TMLHE: variants seen among roughly 807,000 people sequenced by gnomAD.
The protein encoded by TMLHE is trimethyllysine hydroxylase, epsilon.
TMLHE carries 18 observed loss-of-function variants against 25.7 expected under a neutral mutation model. That is an observed-to-expected ratio of 0.70 (90% confidence interval 0.48 to 1.04). The LOEUF (loss-of-function observed/expected upper bound fraction) is 1.04, where lower values mean the gene tolerates loss of function less well. Among genes scored for constraint, TMLHE ranks in the 50% least tolerant of loss-of-function variants. The pLI is 0.00. For missense variants in TMLHE, 236 were observed against 259.0 expected (o/e 0.91, Z 0.61); for synonymous variants, 105 against 97.0 (o/e 1.08, Z -0.49).
chrX:155,512,289 G>C (rs1442331656), intron 4 of TMLHE, among the ~76,000 whole-genome samples: 1 of 106,866 alleles, frequency 9.4e-6, no homozygotes, highest in African/African-American at 3.5e-5. Flanking sequence ...CTAGCATTAG[G>C]TATATCTCCC....
chrX:155,522,430 CATTT>C (rs1557335884), intron 3 of TMLHE, among the ~76,000 whole-genome samples: 2 of 111,750 alleles, frequency 1.8e-5, no homozygotes, highest in African/African-American at 6.5e-5. Context: ...AACATATATT[CATTT>C]GTGTGCATAG....
chrX:155,527,919 T>A (rs1603031199), intron 2 of TMLHE, among the ~76,000 whole-genome samples: 2 of 111,730 alleles, frequency 1.8e-5, no homozygotes, highest in East Asian at 5.6e-4. Flanking sequence ...AAAGGATTAA[T>A]ATCCAGCATA....
chrX:155,547,237 C>A (rs983582225), intron 1 of TMLHE, among the ~76,000 whole-genome samples: 18 of 92,354 alleles, frequency 1.9e-4, no homozygotes, highest in African/African-American at 6.2e-4. Flanking sequence ...CTCCGCCTCC[C>A]GGGTTCACGC....
At chrX:155,607,337 A>G (rs782579286) in intron 1 of TMLHE, among the ~76,000 whole-genome samples, 3 of 112,294 alleles carry the variant, frequency 2.7e-5, no homozygotes, top group Admixed American at 9.4e-5. Context: ...TGTTCATTTC[A>G]ATAGATGCAG....
chrX:155,512,289 G>T (rs1442331656), intron 4 of TMLHE, among the ~76,000 whole-genome samples: 10 of 106,866 alleles, frequency 9.4e-5, no homozygotes, highest in Non-Finnish European at 1.7e-4. Flanking sequence ...CTAGCATTAG[G>T]TATATCTCCC....
intron 1 of TMLHE, among the ~76,000 whole-genome samples, chrX:155,590,803 T>A (rs1164706152): frequency 1.8e-5 from 2 of 110,775 alleles, no homozygotes; most frequent in Admixed American, 1.9e-4. Flanking sequence ...AAAGACAGGG[T>A]ATATGTAGAT....
At chrX:155,576,487 T>C (rs1557343789) in intron 1 of TMLHE, among the ~76,000 whole-genome samples, 1 of 111,887 alleles carries the variant, frequency 8.9e-6, no homozygotes, top group East Asian at 2.8e-4. Context: ...AATGACATTC[T>C]TCACATAATT....
intron 2 of TMLHE, among the ~76,000 whole-genome samples, chrX:155,534,580 C>T (rs1335874944): frequency 9.0e-6 from 1 of 111,077 alleles, no homozygotes; most frequent in East Asian, 2.8e-4. Flanking sequence ...TTGTACCTGT[C>T]CCACCTTCCT....
chrX:155,552,091 A>G (rs1382391996), intron 1 of TMLHE, among the ~76,000 whole-genome samples: 1 of 110,172 alleles, frequency 9.1e-6, no homozygotes, highest in Non-Finnish European at 1.9e-5. Flanking sequence ...AAACCAAACT[A>G]CAATAGGGTA....
Position 155,548,458 on chromosome X carries a change from G to GCCA in TMLHE, c.-1-3182_-1-3181insTGG, listed in dbSNP as rs1569562061. Among the ~76,000 whole-genome samples the GCCA allele has an allele frequency of 6.3e-5, 7 of 110,911 alleles. 1 individual carries two copies. In the East Asian group the frequency reaches 2.0e-3, roughly 32 times the overall value. On this transcript the variant is annotated intron_variant, in intron 1 of 7. Coordinates refer to ENST00000334398, the MANE Select transcript of TMLHE (RefSeq NM_018196.4). The stretch of plus-strand genomic sequence containing the variant: ...AATATTTAAAGACATCCTACAGGCT[G>GCCA]GGCACGGTGGCTCATGCCTGAAATC...
chrX:155,585,995 C>A lies in TMLHE; in HGVS notation c.-2+26797G>T. On this transcript the variant is annotated intron_variant, in intron 1 of 7. Transcript: ENST00000334398. ...TCCCAGCACTTTGGGGAGGCCGAGG[C>A]GGGCGGATCACCTGAGGTTGTGAGT... Among the ~76,000 whole-genome samples, 3 of 111,014 alleles carry A rather than the reference C, an allele frequency of 2.7e-5. No homozygotes were observed. In the Middle Eastern group the frequency reaches 0.014, roughly 514 times the overall value.
At chrX:155,525,917 G>T (rs1378526968) in intron 2 of TMLHE, among the ~76,000 whole-genome samples, 2 of 112,517 alleles carry the variant, frequency 1.8e-5, no homozygotes, top group Non-Finnish European at 3.8e-5. Context: ...AACAGTGTAT[G>T]CTCATATGCA....
intron 1 of TMLHE, among the ~76,000 whole-genome samples, chrX:155,579,319 G>C (rs950546085): frequency 1.8e-5 from 2 of 111,862 alleles, no homozygotes; most frequent in Non-Finnish European, 3.8e-5. Context: ...AAAGAACAAA[G>C]ACGGAGGTAT....
intron 1 of TMLHE, among the ~76,000 whole-genome samples, chrX:155,591,783 T>C (rs1468373880): frequency 2.7e-5 from 3 of 111,578 alleles, no homozygotes; most frequent in African/African-American, 9.8e-5. Flanking sequence ...TGGAAAACAT[T>C]GTAATGGTTC....
rs193271517 is a variant in TMLHE, at chrX:155,556,151, T to C, written c.-1-10874A>G. 1.8e-3 allele frequency among the ~76,000 whole-genome samples: 162 copies of C among 87,584 alleles called. 2 individuals carry two copies. The highest frequency in any genetic ancestry group is 6.1e-3 in the African/African-American group (158 of 26,060). The allele number at this position is 87,584 out of a possible 115,157, so 76.1% of individuals were successfully genotyped here. A position where few individuals can be genotyped will look rare whatever the true frequency, so the allele number is the denominator to read the frequency against. On this transcript the variant is annotated intron_variant, in intron 1 of 7. Transcript: ENST00000334398. ...CGTGGCAAGTAAGGCAGGCAGTCTC[T>C]AGAAGATGAGAGTGAGTTACAGCTG...
At chrX:155,523,572 C>T (rs976482508) in intron 3 of TMLHE, among the ~76,000 whole-genome samples, 6 of 111,659 alleles carry the variant, frequency 5.4e-5, no homozygotes, top group Non-Finnish European at 1.1e-4. Context: ...TTGATTACTG[C>T]AGTCTGGAAG....
intron 3 of TMLHE, among the ~76,000 whole-genome samples, chrX:155,523,088 A>G (rs2067198375): frequency 9.0e-6 from 1 of 111,536 alleles, no homozygotes; most frequent in Non-Finnish European, 1.9e-5. Flanking sequence ...ACTAACTTTC[A>G]TTTCTGTAAC....
At chrX:155,518,707 T>G (rs2067173776) in intron 3 of TMLHE, among the ~76,000 whole-genome samples, 1 of 82,445 alleles carries the variant, frequency 1.2e-5, no homozygotes, top group Admixed American at 1.5e-4. Context: ...AGCCTGTTAT[T>G]GGTCTATTCA....
At chrX:155,555,948 G>A (rs2067451074) in intron 1 of TMLHE, among the ~76,000 whole-genome samples, 1 of 109,843 alleles carries the variant, frequency 9.1e-6, no homozygotes, top group Non-Finnish European at 1.9e-5. Context: ...CCTTGCCCAT[G>A]CCTATGTCCT....
Sources: allele counts gnomAD v4.1 joint callset (sites outside exome capture counted in the v4.1 genomes callset), GRCh38; gene constraint gnomAD v4.1.1; transcripts MANE v1.5; gene names NCBI Gene and HGNC (gene_info 2026-07-23, HGNC 2026-07-21).